SLIT3: variants seen among roughly 807,000 people sequenced by gnomAD.
SLIT3 encodes the protein slit homolog 3 protein.
Under a neutral mutation model 184.0 loss-of-function variants are expected in SLIT3, and 68 were observed. The observed-to-expected ratio is 0.37, with a 90% CI of 0.30 to 0.45. The LOEUF (loss-of-function observed/expected upper bound fraction) is 0.45, where lower values mean the gene tolerates loss of function less well. SLIT3 is among the 20% of genes least tolerant of loss of function. The pLI is 1.00. For synonymous variants in SLIT3, 831 were observed against 828.6 expected, an observed-to-expected ratio of 1.00 and a Z score of -0.05; for missense variants, 1,707 against 2,026.0, an observed-to-expected ratio of 0.84 and a Z score of 3.02.
chr5:169,003,505 G>A (rs1436366786), intron 4 of SLIT3, among the ~76,000 whole-genome samples: 1 of 152,244 alleles, frequency 6.6e-6, no homozygotes, highest in Non-Finnish European at 1.5e-5. Context: ...GAAACTCTAT[G>A]GCATTGGTCT....
chr5:169,113,355 C>T (rs1760485433), intron 4 of SLIT3, among the ~76,000 whole-genome samples: 1 of 152,214 alleles, frequency 6.6e-6, no homozygotes, highest in African/African-American at 2.4e-5. Flanking sequence ...TTTCACTCAG[C>T]ATAATGTCTT....
At chr5:168,760,730 G>C (rs1755116234) in intron 16 of SLIT3, 132 bp downstream of exon 16, 1 of 676,696 alleles carries the variant, frequency 1.5e-6, no homozygotes, top group Non-Finnish European at 2.6e-6. Flanking sequence ...GGCCACAGCG[G>C]GGCTGAGGAG....
chr5:168,741,663 T>C (rs1763645283), intron 20 of SLIT3, among the ~76,000 whole-genome samples: 1 of 152,016 alleles, frequency 6.6e-6, no homozygotes. Context: ...CACAAGGCGA[T>C]ACCTGAGAGA....
chr5:168,804,852 C>T lies in SLIT3; in HGVS notation c.935+1594G>A, dbSNP rs116684118. The stretch of plus-strand genomic sequence containing the variant: ...CTTTAAAACGTCCCAGGATGCGGCC[C>T]CTCCTTACCTCTCTGATCTCATCCC... On this transcript the variant is annotated intron_variant, in intron 9 of 35. Transcript: ENST00000519560. Among the ~76,000 whole-genome samples the T allele has an allele frequency of 2.3e-3, 354 of 152,214 alleles. 2 individuals are homozygous for T. The highest frequency in any genetic ancestry group is 7.8e-3 in the African/African-American group (325 of 41,516).
chr5:169,293,118 A>G (rs961111137), intron 1 of SLIT3, among the ~76,000 whole-genome samples: 1 of 152,200 alleles, frequency 6.6e-6, no homozygotes, highest in Non-Finnish European at 1.5e-5. Context: ...AGTTGAGGCA[A>G]TTAAGGAGAC....
At chr5:168,923,579 C>T (rs1028630934) in intron 4 of SLIT3, among the ~76,000 whole-genome samples, 32 of 150,472 alleles carry the variant, frequency 2.1e-4, no homozygotes, top group African/African-American at 6.6e-4. Flanking sequence ...TGCAGTGGCA[C>T]AGTCTCGACT....
chr5:168,700,897 AG>A (rs1762194575), intron 26 of SLIT3, among the ~76,000 whole-genome samples: 1 of 152,208 alleles, frequency 6.6e-6, no homozygotes, highest in South Asian at 2.1e-4. Context: ...ATGAGAAGCC[AG>A]GAGTTCAGGT....
chr5:169,041,651 T>C (rs1054856027), intron 4 of SLIT3, among the ~76,000 whole-genome samples: 2 of 152,220 alleles, frequency 1.3e-5, no homozygotes, highest in African/African-American at 4.8e-5. Context: ...TAATGAAATG[T>C]TGGGAAAGAA....
intron 4 of SLIT3, among the ~76,000 whole-genome samples, chr5:169,100,773 C>T (rs1443558737): frequency 6.6e-6 from 1 of 152,200 alleles, no homozygotes; most frequent in African/African-American, 2.4e-5. Flanking sequence ...TCCATCCTCT[C>T]CATCTTCACC....
intron 4 of SLIT3, among the ~76,000 whole-genome samples, chr5:168,929,010 C>G (rs75153272): frequency 6.6e-4 from 101 of 152,220 alleles, no homozygotes; most frequent in African/African-American, 2.3e-3. Context: ...TAAGTAATAA[C>G]GATGATAATA....
At chr5:168,928,166 AG>A (rs1231422355) in intron 4 of SLIT3, among the ~76,000 whole-genome samples, 1 of 152,126 alleles carries the variant, frequency 6.6e-6, no homozygotes, top group Non-Finnish European at 1.5e-5. Context: ...AAATTTTTGC[AG>A]TTTTTTTCAC....
chr5:168,726,986 G>A (rs531565010), intron 20 of SLIT3, among the ~76,000 whole-genome samples: 1 of 151,114 alleles, frequency 6.6e-6, no homozygotes, highest in South Asian at 2.1e-4. Flanking sequence ...ACTCCAGCCT[G>A]GGCGACAAAG....
rs763062584 is a variant in SLIT3, at chr5:169,205,590, G to A, written c.342-12040C>T. 9.2e-5 allele frequency among the ~76,000 whole-genome samples: 14 copies of A among 152,222 alleles called. No individual in the cohort carries two copies. In the South Asian group the frequency reaches 1.2e-3, roughly 14 times the overall value. The stretch of plus-strand genomic sequence containing the variant: ...TTGTTGGTTAGTTGGTTGGTTCATC[G>A]GTTGGTTGGTTCATTGGTTGGTTGA... On this transcript the variant is annotated intron_variant, in intron 3 of 35. Coordinates refer to ENST00000519560, the MANE Select transcript of SLIT3 (RefSeq NM_003062.4).
intron 6 of SLIT3, among the ~76,000 whole-genome samples, chr5:168,832,487 G>A (rs1405751028): frequency 1.3e-5 from 2 of 152,210 alleles, no homozygotes; most frequent in Non-Finnish European, 2.9e-5. Flanking sequence ...ATGGGCTGGC[G>A]AATATCAAAG....
intron 3 of SLIT3, among the ~76,000 whole-genome samples, chr5:169,212,761 TTTAAGTCTTTAATCCATCTTAATTTTTGC>T (rs1269827088): frequency 6.6e-6 from 1 of 152,238 alleles, no homozygotes; most frequent in Non-Finnish European, 1.5e-5. Context: ...AGGTCTAATG[TTTAAGTCTTTAATCCATCTTAATTTTTGC>T]TTAAGTCTTT....
Position 168,720,689 on chromosome 5 carries a change from A to G in SLIT3, c.2483+1567T>C, listed in dbSNP as rs570118987. ...GGGAAATGGTTGTGCTGATGTATCCATTCTCAAACTCCCCAGAGAAGGTGG... is the reference window on the plus strand; with the variant it reads ...GGGAAATGGTTGTGCTGATGTATCCGTTCTCAAACTCCCCAGAGAAGGTGG... On this transcript the variant is annotated intron_variant, in intron 23 of 35. Coordinates refer to ENST00000519560, the MANE Select transcript of SLIT3 (RefSeq NM_003062.4). 3 of 152,376 alleles carry G rather than the reference A, an allele frequency of 2.0e-5. No homozygotes were observed. The East Asian group carries it at 5.8e-4, about 29-fold the overall frequency. 9.4% of individuals were successfully genotyped at this position (152,376 alleles called of 1,614,324 possible).
At chr5:169,260,840 G>T (rs373621104) in intron 1 of SLIT3, among the ~76,000 whole-genome samples, 4 of 152,304 alleles carry the variant, frequency 2.6e-5, no homozygotes, top group Admixed American at 2.0e-4. Context: ...AAGAAACTCA[G>T]AGTTTAGAGA....
intron 4 of SLIT3, among the ~76,000 whole-genome samples, chr5:169,172,581 C>T (rs748611605): frequency 6.6e-6 from 1 of 152,178 alleles, no homozygotes; most frequent in Non-Finnish European, 1.5e-5. Flanking sequence ...CCTTTTGTTG[C>T]TGAACACCCA....
chr5:169,002,515 T>C (rs1468819945), intron 4 of SLIT3, among the ~76,000 whole-genome samples: 1 of 151,840 alleles, frequency 6.6e-6, no homozygotes, highest in East Asian at 1.9e-4. Flanking sequence ...CAAACCCAGT[T>C]AGAGAGTGTG....
Sources: gnomAD v4.1 joint callset for allele counts (sites outside exome capture counted in the v4.1 genomes callset) on GRCh38, gnomAD v4.1.1 for gene constraint, MANE v1.5 for transcripts, NCBI Gene and HGNC (gene_info 2026-07-23, HGNC 2026-07-21) for gene names.